The following EMID1 variants were observed in gnomAD, a reference collection of about 807,000 sequenced individuals.
EMID1 encodes EMI domain containing 1.
In EMID1, 40 loss-of-function variants were observed where a neutral mutation model predicts 60.6. That is an observed-to-expected ratio of 0.66 (90% confidence interval 0.51 to 0.86). EMID1 has a LOEUF of 0.86. EMID1 is among the 40% of genes least tolerant of loss of function. The pLI, the probability that EMID1 is intolerant of heterozygous loss-of-function variation, is 0.00. For missense variants in EMID1, 585 were observed against 597.1 expected, an observed-to-expected ratio of 0.98 and a Z score of 0.21; for synonymous variants, 242 against 231.0, an observed-to-expected ratio of 1.05 and a Z score of -0.43.
At chr22:29,233,341 T>C in intron 8 of EMID1, 38 bp from the exon 9 acceptor site, 2 of 1,610,026 alleles carry the variant, frequency 1.2e-6, no homozygotes, top group Non-Finnish European at 1.7e-6. Flanking sequence ...CACCCCACTC[T>C]ACCCAGCTCT....
In EMID1 at chr22:29,255,116, T is replaced by A. The variant is rs192659739; in HGVS notation, c.1204+829T>A. Among the ~76,000 whole-genome samples, 1,118 of 152,232 alleles carry A rather than the reference T, an allele frequency of 7.3e-3. 17 individuals are homozygous for A. The highest frequency in any genetic ancestry group is 8.9e-3 in the Non-Finnish European group (607 of 67,978). ...AGCCAGGCCAGCCCTGTCCCCACCA[T>A]AGGAGGGGAAACTGAGGTCTCAGTA... On this transcript the variant is annotated intron_variant, in intron 14 of 14. Coordinates refer to ENST00000334018, the MANE Select transcript of EMID1 (RefSeq NM_133455.4).
intron 7 of EMID1, 76 bp downstream of exon 7, chr22:29,231,758 A>G (rs1421640193): frequency 1.4e-5 from 19 of 1,341,316 alleles, no homozygotes; most frequent in South Asian, 1.7e-5. Flanking sequence ...TGCTCCTGAC[A>G]TGGCCAGGAT....
At chr22:29,215,292 G>T in intron 2 of EMID1, 7 of 980,836 alleles carry the variant, frequency 7.1e-6, no homozygotes, top group Non-Finnish European at 8.5e-6. Context: ...CTGGGCTCAG[G>T]CCAGCCCAGC....
At position 29,225,233 on chromosome 22, in the gene EMID1, C is replaced by A; in HGVS notation, c.403+17C>A. On this transcript the variant is annotated intron_variant, in intron 4 of 14. Transcript: ENST00000334018. ...CCTTCTCAGGTGGGTCCTGGGATAG[C>A]TTCTTGAGGTCCCCCTGGGCTGAGG... 2 of 1,612,696 alleles carry A rather than the reference C, an allele frequency of 1.2e-6. No homozygotes were observed. The highest frequency in any genetic ancestry group is 1.7e-6 in the Non-Finnish European group (2 of 1,179,688).
Position 29,231,070 on chromosome 22 carries a change from C to G in EMID1, c.516C>G (p.Thr172=), listed in dbSNP as rs745988136. The part of the protein sequence containing the change: ...IEQPVPPTPA[T]PEDPAPLWGP... ...AGCCAGTACCTCCAACACCAGCTAC[C>G]CCTGAGGACCCTGCCCCGCTCTGGG... The change falls in exon 6 of 15, where the codon ACC becomes ACG. Residue 172 remains threonine, a synonymous_variant. Coordinates refer to ENST00000334018, the MANE Select transcript of EMID1 (RefSeq NM_133455.4). The G allele has an allele frequency of 2.0e-5, 33 of 1,613,908 alleles. No individual in the cohort carries two copies. Among genetic ancestry groups the G allele is most frequent in the Non-Finnish European group, 2.4e-5 (28 of 1,179,962 alleles).
chr22:29,240,106 C>T (rs2041099096), intron 12 of EMID1, among the ~76,000 whole-genome samples: 1 of 152,212 alleles, frequency 6.6e-6, no homozygotes, highest in South Asian at 2.1e-4. Context: ...AGCCACTGCA[C>T]CTGGCCTAGG....
intron 14 of EMID1, among the ~76,000 whole-genome samples, chr22:29,256,132 A>T (rs911977973): frequency 6.6e-6 from 1 of 152,086 alleles, no homozygotes; most frequent in African/African-American, 2.4e-5. Context: ...CAGTGAGCAC[A>T]TCAGTGCACA....
chr22:29,241,241 G>GT (rs1568997448), intron 12 of EMID1, among the ~76,000 whole-genome samples: 1 of 152,172 alleles, frequency 6.6e-6, no homozygotes, highest in Non-Finnish European at 1.5e-5. Flanking sequence ...TTCTGCTTTA[G>GT]TAAGTTGTGA....
intron 12 of EMID1, among the ~76,000 whole-genome samples, chr22:29,240,900 G>T (rs1292384948): frequency 1.3e-5 from 2 of 152,148 alleles, no homozygotes; most frequent in African/African-American, 4.8e-5. Flanking sequence ...CTGGTGTTGG[G>T]TCCGATCACT....
chr22:29,226,661 A>G, intron 5 of EMID1, 110 bp downstream of exon 5: 1 of 1,122,942 alleles, frequency 8.9e-7, no homozygotes, highest in South Asian at 1.7e-5. Flanking sequence ...TCGCACCCTC[A>G]GTGAACCCAC....
At chr22:29,219,906 A>G (rs140658093) in intron 3 of EMID1, among the ~76,000 whole-genome samples, 1 of 152,260 alleles carries the variant, frequency 6.6e-6, no homozygotes, top group Non-Finnish European at 1.5e-5. Context: ...TTTCATCTTA[A>G]CCAGGTTCCA....
chr22:29,226,387 A>G lies in EMID1; in HGVS notation c.404-103A>G, dbSNP rs73401030. On this transcript the variant is annotated intron_variant, in intron 4 of 14. Transcript: ENST00000334018. ...AGGTCCCTCGTGGGTTGGGGTCATC[A>G]GGTATCTGACGCTTTCCTCCATCCC... The G allele has an allele frequency of 6.2e-3, 8,185 of 1,315,698 alleles. 429 individuals are homozygous for G. The African/African-American group carries it at 0.11, about 17-fold the overall frequency. The allele number at this position is 1,315,698 out of a possible 1,614,324, so 81.5% of individuals were successfully genotyped here. A position where few individuals can be genotyped will look rare whatever the true frequency, so the allele number is the denominator to read the frequency against.
intron 1 of EMID1, among the ~76,000 whole-genome samples, chr22:29,208,336 G>A (rs1160102582): frequency 6.6e-6 from 1 of 152,188 alleles, no homozygotes; most frequent in East Asian, 1.9e-4. Flanking sequence ...CTTGCCCCAG[G>A]AAGGTGGTGA....
chr22:29,250,462 G>T (rs1290203040), intron 13 of EMID1, among the ~76,000 whole-genome samples: 1 of 152,234 alleles, frequency 6.6e-6, no homozygotes, highest in Non-Finnish European at 1.5e-5. Context: ...CTTGGCAGGG[G>T]CACCTGTGGT....
chr22:29,253,928 A>T (rs1000767185), intron 13 of EMID1: 8 of 985,318 alleles, frequency 8.1e-6, no homozygotes, highest in Non-Finnish European at 8.4e-6. Context: ...CCCTGCCTTC[A>T]GCGCAGCAGG....
At chr22:29,233,080 G>C (rs541110834) in intron 8 of EMID1, 1 of 430,226 alleles carries the variant, frequency 2.3e-6, no homozygotes, top group Admixed American at 3.6e-5. Context: ...TGGATAAATG[G>C]TATCTTTTAT....
intron 13 of EMID1, among the ~76,000 whole-genome samples, chr22:29,247,789 C>T (rs2041377118): frequency 6.6e-6 from 1 of 151,876 alleles, no homozygotes. Context: ...GCCACCACGC[C>T]CAGCTAATTT....
At chr22:29,209,075 C>G (rs2039784582) in intron 1 of EMID1, among the ~76,000 whole-genome samples, 1 of 152,214 alleles carries the variant, frequency 6.6e-6, no homozygotes, top group Non-Finnish European at 1.5e-5. Context: ...CCGGTCCTTT[C>G]TTTCTTCTCC....
At chr22:29,228,609 G>T (rs1043357876) in intron 5 of EMID1, among the ~76,000 whole-genome samples, 3 of 152,142 alleles carry the variant, frequency 2.0e-5, no homozygotes, top group Non-Finnish European at 2.9e-5. Flanking sequence ...CAGAAACAGG[G>T]TCTTGCTCTG....
Sources: allele counts gnomAD v4.1 joint callset (sites outside exome capture counted in the v4.1 genomes callset), GRCh38; gene constraint gnomAD v4.1.1; transcripts MANE v1.5; gene names NCBI Gene and HGNC (gene_info 2026-07-23, HGNC 2026-07-21).